The following GALNT15 variants were observed in gnomAD, a reference collection of about 807,000 sequenced individuals.
GALNT15 encodes the protein polypeptide N-acetylgalactosaminyltransferase 15, also known as UDP-GalNAc transferase T15.
In GALNT15, 67 loss-of-function variants were observed where a neutral mutation model predicts 66.8. The ratio of observed to expected loss-of-function variants is 1.00; its 90% CI spans 0.82 to 1.23. GALNT15 has a LOEUF of 1.23. Among genes scored for constraint, GALNT15 ranks in the 50% most tolerant of loss-of-function variants. The pLI is 0.00. For synonymous variants in GALNT15, 313 were observed against 311.5 expected (o/e 1.00, Z -0.05); for missense variants, 827 against 804.3 (o/e 1.03, Z -0.34).
Position 16,227,657 on chromosome 3 carries a change from C to G in GALNT15, c.*157C>G. On this transcript the variant is annotated 3_prime_UTR_variant, in exon 10 of 10. Transcript: ENST00000339732. This position sits in a 1 kb window ranked among gnomAD's most constrained non-coding sequence, Gnocchi z 4.5. ...CTATGAAAGAATATAGGAAGTTTCT[C>G]CTTTTCACACCTTATTTCATTGACT... 6.9e-7 allele frequency: 1 copy of G among 1,447,658 alleles called. No homozygotes were observed. Among genetic ancestry groups the G allele is most frequent in the East Asian group, 2.5e-5 (1 of 39,656 alleles). 89.7% of individuals were successfully genotyped at this position (1,447,658 alleles called of 1,614,324 possible).
chr3:16,188,965 AT>A lies in GALNT15; in HGVS notation c.540-6792del, dbSNP rs991207210. Among the ~76,000 whole-genome samples, 23 of 152,068 alleles carry A rather than the reference AT, an allele frequency of 1.5e-4. No homozygotes were observed. Among genetic ancestry groups the A allele is most frequent in the Non-Finnish European group, 2.9e-4 (20 of 67,998 alleles). On this transcript the variant is annotated intron_variant, in intron 1 of 9. Transcript: ENST00000339732. The surrounding 1 kb of genome is among the most constrained non-coding windows in gnomAD (Gnocchi z 4.6). ...CGAGTAGGGCCATACCATCTGGACC[AT>A]TTCTTATTGTCTCCTCAGCATCTCC...
intron 2 of GALNT15, among the ~76,000 whole-genome samples, chr3:16,197,687 T>C (rs1454593348): frequency 1.3e-5 from 2 of 152,196 alleles, no homozygotes; most frequent in Non-Finnish European, 2.9e-5. Context: ...GGTATTCGTC[T>C]GGGGTGGTGA....
intron 1 of GALNT15, among the ~76,000 whole-genome samples, chr3:16,192,719 T>G (rs1453530277): frequency 6.6e-6 from 1 of 152,206 alleles, no homozygotes; most frequent in Non-Finnish European, 1.5e-5. Context: ...ACTATGCATG[T>G]GCTGGGGACG....
At chr3:16,235,276 A>G (rs906003701), downstream of GALNT15, among the ~76,000 whole-genome samples, 1 of 152,098 alleles carries the variant, frequency 6.6e-6, no homozygotes, top group African/African-American at 2.4e-5. Context: ...CCTGGGGAAA[A>G]GTGAATATGG....
rs978515204 is a variant in GALNT15 at position 16,176,518 on chromosome 3, G to GC, written c.539+832dup. Among the ~76,000 whole-genome samples the GC allele has an allele frequency of 3.3e-5, 5 of 152,198 alleles. No homozygotes were observed. The highest frequency in any genetic ancestry group is 7.2e-5 in the African/African-American group (3 of 41,454). On this transcript the variant is annotated intron_variant, in intron 1 of 9. Coordinates refer to ENST00000339732, the MANE Select transcript of GALNT15 (RefSeq NM_054110.5). The surrounding 1 kb of genome is among the most constrained non-coding windows in gnomAD (Gnocchi z 5.6). ...GACTGCAATTTACCCTGCCAGGGCA[G>GC]CCCCAGCCCCAGGAGGTAAGCTGAG...
rs1394768084 is a variant in GALNT15 at position 16,200,411 on chromosome 3, A to G, written c.707-208A>G. 1.3e-5 allele frequency among the ~76,000 whole-genome samples: 2 copies of G among 152,120 alleles called. No individual in the cohort carries two copies. The highest frequency in any genetic ancestry group is 2.9e-5 in the Non-Finnish European group (2 of 68,012). On this transcript the variant is annotated intron_variant, in intron 2 of 9. Coordinates refer to ENST00000339732, the MANE Select transcript of GALNT15 (RefSeq NM_054110.5). The surrounding 1 kb of genome is among the most constrained non-coding windows in gnomAD (Gnocchi z 4.4). ...CCTGGTTTTCTGACACCATCCCTCTAATTTTTACTGGAGAGAATCATGGCC... is the reference window on the plus strand; with the variant it reads ...CCTGGTTTTCTGACACCATCCCTCTGATTTTTACTGGAGAGAATCATGGCC...
chr3:16,175,596 T>G lies in GALNT15; in HGVS notation c.445T>G (p.Leu149Val). The change falls in exon 1 of 10, where the codon TTG (leucine) becomes GTG (valine). Residue 149 changes from leucine (L) to valine (V), a missense_variant. Transcript: ENST00000339732. The surrounding 1 kb of genome is among the most constrained non-coding windows in gnomAD (Gnocchi z 5.6). ...CGGGGAGGTGTCTGAAGAAGAGGAG[T>G]TGACCCCGTTCAGCCTGGACCCACG... Reference protein sequence around the residue: ...EDGEVSEEEELTPFSLDPRGL... With the variant: ...EDGEVSEEEEVTPFSLDPRGL... 1 of 1,613,098 alleles carries G rather than the reference T, an allele frequency of 6.2e-7. No individual in the cohort carries two copies. Among genetic ancestry groups the G allele is most frequent in the South Asian group, 1.1e-5 (1 of 91,036 alleles).
intron 1 of GALNT15, among the ~76,000 whole-genome samples, chr3:16,185,496 T>C (rs2063507600): frequency 6.6e-6 from 1 of 152,210 alleles, no homozygotes; most frequent in Admixed American, 6.5e-5. Flanking sequence ...GATTCTTGCA[T>C]TGTTCCCTGA....
intron 1 of GALNT15, among the ~76,000 whole-genome samples, chr3:16,190,746 T>C (rs2063568115): frequency 6.6e-6 from 1 of 152,116 alleles, no homozygotes; most frequent in Non-Finnish European, 1.5e-5. Context: ...AATATTTAGT[T>C]CCACACTCCA....
At chr3:16,245,220 C>T in the GALNT15 span, among the ~76,000 whole-genome samples, 2 of 152,148 alleles carry the variant, frequency 1.3e-5, no homozygotes, top group Admixed American at 6.5e-5. Context: ...CTTATATTGG[C>T]GCCTCCTTCT....
chr3:16,219,941 A>T lies in GALNT15; in HGVS notation c.1556A>T (p.Asp519Val). ...AACACTGGACTTGGGCTCTGTGCAG[A>T]CTGCCAGGCAGAAGGGGACATCCTG... ...LHNTGLGLCADCQAEGDILGC... is the reference protein window; with the variant it reads ...LHNTGLGLCAVCQAEGDILGC... Residue 519 changes from aspartate (D) to valine (V), a missense_variant, in exon 8 of 10, where the codon GAC becomes GTC. By Grantham distance (152) the Asp-to-Val change is radical. Coordinates refer to ENST00000339732, the MANE Select transcript of GALNT15 (RefSeq NM_054110.5). The surrounding 1 kb of genome is among the most constrained non-coding windows in gnomAD (Gnocchi z 4.3). The T allele has an allele frequency of 6.2e-7, 1 of 1,614,200 alleles. No homozygotes were observed. Among genetic ancestry groups the T allele is most frequent in the Non-Finnish European group, 8.5e-7 (1 of 1,180,022 alleles).
Position 16,189,211 on chromosome 3 carries a change from T to C in GALNT15, c.540-6549T>C, listed in dbSNP as rs551335601. Among the ~76,000 whole-genome samples, 1 of 152,282 alleles carries C rather than the reference T, an allele frequency of 6.6e-6. No individual in the cohort carries two copies. Among genetic ancestry groups the C allele is most frequent in the East Asian group, 1.9e-4 (1 of 5,182 alleles). The stretch of plus-strand genomic sequence containing the variant: ...AGGCCAGGGTTCTAGGGAGATTAGG[T>C]CCAACAGGGGATCTAGCTGAACTCC... On this transcript the variant is annotated intron_variant, in intron 1 of 9. Transcript: ENST00000339732. The surrounding 1 kb of genome is among the most constrained non-coding windows in gnomAD (Gnocchi z 5.1).
At chr3:16,201,145 G>T (rs937400809) in intron 3 of GALNT15, among the ~76,000 whole-genome samples, 2 of 151,778 alleles carry the variant, frequency 1.3e-5, no homozygotes, top group Non-Finnish European at 2.9e-5. Flanking sequence ...CATTGCCTTT[G>T]GTGAAAATTT....
chr3:16,238,436 G>A, the GALNT15 span, among the ~76,000 whole-genome samples: 1 of 151,682 alleles, frequency 6.6e-6, no homozygotes, highest in Admixed American at 6.6e-5. This position sits in a 1 kb window ranked among gnomAD's most constrained non-coding sequence, Gnocchi z 4.8. Flanking sequence ...CTATTGTAAT[G>A]TTGTTACAAT....
Position 16,219,652 on chromosome 3 carries a change from G to A in GALNT15, c.1524+118G>A. The A allele has an allele frequency of 7.1e-7, 1 of 1,400,312 alleles. No individual in the cohort carries two copies. Among genetic ancestry groups the A allele is most frequent in the East Asian group, 2.3e-5 (1 of 43,676 alleles). The allele number at this position is 1,400,312 out of a possible 1,614,324, so 86.7% of individuals were successfully genotyped here. On this transcript the variant is annotated intron_variant, in intron 7 of 9. Coordinates refer to ENST00000339732, the MANE Select transcript of GALNT15 (RefSeq NM_054110.5). This position sits in a 1 kb window ranked among gnomAD's most constrained non-coding sequence, Gnocchi z 4.3. ...TTCACGGTTTAGCAGGGCCTCAGAG[G>A]CCTTGGGTCCATCCCGTGCCTCCAT...
chr3:16,199,321 C>T (rs1313817768), intron 2 of GALNT15, among the ~76,000 whole-genome samples: 1 of 141,932 alleles, frequency 7.0e-6, no homozygotes, highest in Non-Finnish European at 1.6e-5. Context: ...CTTTTTCTCC[C>T]TTCCCCTATA....
At chr3:16,185,407 A>G (rs2124844710) in intron 1 of GALNT15, among the ~76,000 whole-genome samples, 1 of 152,372 alleles carries the variant, frequency 6.6e-6, no homozygotes, top group Admixed American at 6.5e-5. Context: ...CCAAAGCATC[A>G]AAGTGGAGAT....
chr3:16,175,192 T>G lies in GALNT15; in HGVS notation c.41T>G (p.Leu14Arg). The G allele has an allele frequency of 1.9e-6, 3 of 1,614,142 alleles. No individual in the cohort carries two copies. The highest frequency in any genetic ancestry group is 2.5e-6 in the Non-Finnish European group (3 of 1,180,012). ...RKRYRHRPCR[L>R]QFLLLLLMLG... ...CGATACAGGCACAGACCATGCAGAC[T>G]CCAGTTCCTCCTGCTGCTCCTGATG... Residue 14 changes from leucine to arginine, a missense_variant, in exon 1 of 10, where the codon CTC becomes CGC. By Grantham distance (102) the Leu-to-Arg change is moderately radical (BLOSUM62 -2). Transcript: ENST00000339732. The surrounding 1 kb of genome is among the most constrained non-coding windows in gnomAD (Gnocchi z 5.6).
intron 6 of GALNT15, among the ~76,000 whole-genome samples, chr3:16,215,916 A>AAACAAAAAAAAAAAAAAAACAAAAC (rs1019009823): frequency 7.0e-6 from 1 of 143,454 alleles, no homozygotes; most frequent in Non-Finnish European, 1.5e-5. Flanking sequence ...CAAAAAAAAA[A>AAACAAAAAAAAAAAAAAAACAAAAC]AAAAAAAAAG....
Sources: gnomAD v4.1 joint callset for allele counts (sites outside exome capture counted in the v4.1 genomes callset) on GRCh38, gnomAD v4.1.1 for gene constraint, Gnocchi (gnomAD v3.1) non-coding constraint, MANE v1.5 for transcripts, NCBI Gene and HGNC (gene_info 2026-07-23, HGNC 2026-07-21) for gene names.